Variants in CSGALNACT1 observed in about 807,000 individuals in gnomAD.
The protein encoded by CSGALNACT1 is chondroitin sulfate N-acetylgalactosaminyltransferase 1.
CSGALNACT1 carries 52 observed loss-of-function variants against 51.0 expected under a neutral mutation model. The ratio of observed to expected loss-of-function variants is 1.02; its 90% confidence interval spans 0.82 to 1.29. The LOEUF (loss-of-function observed/expected upper bound fraction) is 1.29. Ranked by LOEUF, CSGALNACT1 falls within the 50% of genes most tolerant of loss-of-function variation. CSGALNACT1 has a pLI of 0.00. For missense variants in CSGALNACT1, 935 were observed against 679.2 expected (o/e 1.38, Z -4.19); for synonymous variants, 341 against 254.4 (o/e 1.34, Z -3.24).
At chr8:19,524,582 A>C (rs1433343496) in intron 3 of CSGALNACT1, among the ~76,000 whole-genome samples, 2 of 151,214 alleles carry the variant, frequency 1.3e-5, no homozygotes, top group Admixed American at 6.6e-5. Flanking sequence ...AAGAGTTGGG[A>C]TTTTTTTTTC....
intron 5 of CSGALNACT1, among the ~76,000 whole-genome samples, chr8:19,447,581 G>A (rs929392184): frequency 6.6e-5 from 10 of 152,174 alleles, no homozygotes; most frequent in East Asian, 3.9e-4. Flanking sequence ...ACAATAGGAT[G>A]TGTGGCAGCA....
chr8:19,671,632 G>A (rs899886641), intron 1 of CSGALNACT1, among the ~76,000 whole-genome samples: 1 of 152,104 alleles, frequency 6.6e-6, no homozygotes, highest in African/African-American at 2.4e-5. Context: ...TATTAGGAGA[G>A]AAACACAAAA....
intron 1 of CSGALNACT1, among the ~76,000 whole-genome samples, chr8:19,744,487 C>G (rs1010491994): frequency 1.3e-5 from 2 of 152,206 alleles, no homozygotes; most frequent in African/African-American, 4.8e-5. Flanking sequence ...AATTAGTCCT[C>G]CTTTTTATTA....
chr8:19,624,057 C>T (rs569171311), intron 1 of CSGALNACT1, among the ~76,000 whole-genome samples: 9 of 152,312 alleles, frequency 5.9e-5, no homozygotes, highest in Admixed American at 1.3e-4. Flanking sequence ...TAGTAAATTA[C>T]GTGCTAAACC....
intron 5 of CSGALNACT1, among the ~76,000 whole-genome samples, chr8:19,455,423 T>G (rs186469033): frequency 1.8e-3 from 269 of 152,350 alleles, no homozygotes; most frequent in Non-Finnish European, 3.2e-3. Flanking sequence ...AAATATTTAT[T>G]AAGCAGCCCT....
At chr8:19,469,350 C>T (rs1243001262) in intron 4 of CSGALNACT1, among the ~76,000 whole-genome samples, 1 of 152,058 alleles carries the variant, frequency 6.6e-6, no homozygotes, top group African/African-American at 2.4e-5. Flanking sequence ...GTGTGTGCAC[C>T]ACTGCACTGC....
chr8:19,751,721 A>G (rs919721362), intron 1 of CSGALNACT1, among the ~76,000 whole-genome samples: 13 of 152,186 alleles, frequency 8.5e-5, no homozygotes, highest in African/African-American at 2.4e-4. Flanking sequence ...TGTTCTCGTG[A>G]TAGAGTTCTC....
chr8:19,478,135 C>CCGGGTG (rs964728969), intron 4 of CSGALNACT1, among the ~76,000 whole-genome samples: 3 of 121,066 alleles, frequency 2.5e-5, no homozygotes, highest in Non-Finnish European at 1.9e-5. Context: ...CATGTCTGGG[C>CCGGGTG]CGGGTGCGGT....
chr8:19,475,096 G>C (rs1214343364), intron 4 of CSGALNACT1, among the ~76,000 whole-genome samples: 2 of 152,096 alleles, frequency 1.3e-5, no homozygotes, highest in Non-Finnish European at 2.9e-5. Flanking sequence ...CCAGACAGGG[G>C]AGTCTCTAAG....
chr8:19,596,509 A>T (rs547576156), intron 2 of CSGALNACT1, among the ~76,000 whole-genome samples: 1 of 151,988 alleles, frequency 6.6e-6, no homozygotes, highest in Non-Finnish European at 1.5e-5. Flanking sequence ...AAAAGATCCT[A>T]TTATCTTTGC....
intron 1 of CSGALNACT1, among the ~76,000 whole-genome samples, chr8:19,664,990 A>G (rs959425805): frequency 6.6e-6 from 1 of 152,208 alleles, no homozygotes; most frequent in Non-Finnish European, 1.5e-5. Flanking sequence ...TATGTAGTAC[A>G]TTCATGTAAC....
chr8:19,476,305 C>T (rs954031341), intron 4 of CSGALNACT1, among the ~76,000 whole-genome samples: 7 of 152,186 alleles, frequency 4.6e-5, no homozygotes, highest in Non-Finnish European at 7.3e-5. Context: ...ATGGCAAGAT[C>T]TCGGCTCACT....
In CSGALNACT1 at chr8:19,514,510, T is replaced by C. The variant is rs188986001; in HGVS notation, c.-296-8380A>G. The stretch of plus-strand genomic sequence containing the variant: ...ATATATATATATATATATATATATA[T>C]ACATGTATCTATTTAAAAATTATAT... On this transcript the variant is annotated intron_variant, in intron 3 of 9. Coordinates refer to ENST00000454498, the Ensembl canonical transcript of CSGALNACT1. 1.7e-3 allele frequency among the ~76,000 whole-genome samples: 225 copies of C among 133,042 alleles called. 4 individuals are homozygous for C. In the Middle Eastern group the frequency reaches 0.023, roughly 13 times the overall value. 87.3% of individuals were successfully genotyped at this position (133,042 alleles called of 152,430 possible).
intron 3 of CSGALNACT1, among the ~76,000 whole-genome samples, chr8:19,555,436 G>A (rs980960401): frequency 7.2e-5 from 11 of 152,050 alleles, no homozygotes; most frequent in African/African-American, 2.7e-4. Context: ...CAGTAAGAGA[G>A]GTCCACTTTA....
chr8:19,619,756 G>A (rs1217853781), intron 1 of CSGALNACT1, among the ~76,000 whole-genome samples: 3 of 152,174 alleles, frequency 2.0e-5, no homozygotes, highest in African/African-American at 2.4e-5. Context: ...CAGACTTTGA[G>A]TTCCAAATAC....
intron 3 of CSGALNACT1, among the ~76,000 whole-genome samples, chr8:19,537,798 GA>G (rs2084100974): frequency 6.6e-6 from 1 of 152,034 alleles, no homozygotes; most frequent in Non-Finnish European, 1.5e-5. Context: ...AAACTTTTAG[GA>G]AAAAACATAG....
chr8:19,628,833 G>A (rs992657250), intron 1 of CSGALNACT1, among the ~76,000 whole-genome samples: 1 of 152,018 alleles, frequency 6.6e-6, no homozygotes, highest in Non-Finnish European at 1.5e-5. Flanking sequence ...CAAACAGAAG[G>A]TCAGGATAGG....
At chr8:19,557,132 C>G (rs368823738) in intron 3 of CSGALNACT1, among the ~76,000 whole-genome samples, 19 of 152,238 alleles carry the variant, frequency 1.2e-4, no homozygotes, top group Middle Eastern at 3.4e-3. Context: ...CCCTTGCACC[C>G]CAGATCCAAT....
chr8:19,736,869 A>G (rs1476921477), intron 1 of CSGALNACT1, among the ~76,000 whole-genome samples: 1 of 152,112 alleles, frequency 6.6e-6, no homozygotes, highest in Non-Finnish European at 1.5e-5. Context: ...AGAATTTTCC[A>G]AGATTGATGA....
Sources: gnomAD v4.1 joint callset for allele counts (sites outside exome capture counted in the v4.1 genomes callset) on GRCh38, gnomAD v4.1.1 for gene constraint, MANE v1.5 for transcripts, NCBI Gene and HGNC (gene_info 2026-07-23, HGNC 2026-07-21) for gene names.